Variants in TEX19 observed in about 807,000 individuals in gnomAD.
TEX19 encodes testis-expressed protein 19.
For synonymous variants in TEX19, 77 were observed against 73.9 expected, an observed-to-expected ratio of 1.04 and a Z score of -0.21; for missense variants, 184 against 194.4, an observed-to-expected ratio of 0.95 and a Z score of 0.32.
At position 82,362,186 on chromosome 17, in the gene TEX19, G is replaced by A. The variant is rs1457553873; in HGVS notation, c.36G>A (p.Glu12=). 6.2e-7 allele frequency: 1 copy of A among 1,612,864 alleles called. No individual in the cohort carries two copies. Among genetic ancestry groups the A allele is most frequent in the Admixed American group, 1.7e-5 (1 of 60,004 alleles). ...CPPVSMRYEE[E]GMSYLYASWM... is the part of the protein sequence containing the mutation. The stretch of plus-strand genomic sequence containing the variant: ...CGGTCAGCATGCGGTATGAGGAAGA[G>A]GGCATGTCCTACCTCTACGCCTCCT... The change falls in exon 2 of 2, where the codon GAG becomes GAA. Residue 12 remains glutamate (E), a synonymous_variant. Transcript: ENST00000333437. The surrounding 1 kb of genome is among the most constrained non-coding windows in gnomAD (Gnocchi z 5.5).
chr17:82,360,614 G>T (rs868554232), intron 1 of TEX19, among the ~76,000 whole-genome samples: 163 of 116,308 alleles, frequency 1.4e-3, no homozygotes, highest in Non-Finnish European at 2.2e-3. Context: ...GTTTCCCTCA[G>T]GTTCCCTCAG....
intron 1 of TEX19, among the ~76,000 whole-genome samples, chr17:82,361,405 C>T (rs185682377): frequency 0.14 from 14,422 of 99,640 alleles, 838 homozygotes; most frequent in South Asian, 0.24. Flanking sequence ...GCCAGTTTCC[C>T]TCAGGTTCCC....
Position 82,359,927 on chromosome 17 carries a change from T to G in TEX19, c.-272+642T>G, listed in dbSNP as rs1402820766. On this transcript the variant is annotated intron_variant, in intron 1 of 1. Coordinates refer to ENST00000333437, the MANE Select transcript of TEX19 (RefSeq NM_207459.4). ...CTCAGGTTCCCCCAGTTTCCCTCAG[T>G]TTCCCTCAAGTTTCCCTCAGGTTCC... 6.4e-3 allele frequency among the ~76,000 whole-genome samples: 617 copies of G among 96,316 alleles called. 9 individuals carry two copies. The highest frequency in any genetic ancestry group is 0.024 in the African/African-American group (540 of 22,794). 63.2% of individuals were successfully genotyped at this position (96,316 alleles called of 152,430 possible).
intron 1 of TEX19, among the ~76,000 whole-genome samples, chr17:82,360,995 C>T (rs1371820006): frequency 2.9e-5 from 1 of 34,526 alleles, no homozygotes; most frequent in African/African-American, 1.0e-4. Context: ...TCAGTTTTCC[C>T]CAGTTTCCCT....
At chr17:82,361,490 G>T (rs1454170632) in intron 1 of TEX19, 13 of 416,354 alleles carry the variant, frequency 3.1e-5, no homozygotes, top group Non-Finnish European at 3.6e-5. Context: ...TTTCTCTCAG[G>T]TTCCCCCAGT....
chr17:82,361,957 C>A lies in TEX19; in HGVS notation c.-194C>A. 1 of 811,708 alleles carries A rather than the reference C, an allele frequency of 1.2e-6. No homozygotes were observed. Among genetic ancestry groups the A allele is most frequent in the Non-Finnish European group, 1.9e-6 (1 of 536,150 alleles). 50.3% of individuals were successfully genotyped at this position (811,708 alleles called of 1,614,324 possible). A position where few individuals can be genotyped will look rare whatever the true frequency, so the allele number is the denominator to read the frequency against. ...AGCTTCCACCCTCTGCAGGTCCCCA[C>A]TGAGCTGGGACCCAGGTCATCCACC... On this transcript the variant is annotated 5_prime_UTR_variant, in exon 2 of 2. It adds an upstream start codon to the 5' untranslated region. Transcript: ENST00000333437.
At position 82,362,034 on chromosome 17, in the gene TEX19, C is replaced by G. The variant is rs1024360079; in HGVS notation, c.-117C>G. On this transcript the variant is annotated 5_prime_UTR_variant, in exon 2 of 2. Transcript: ENST00000333437. The surrounding 1 kb of genome is among the most constrained non-coding windows in gnomAD (Gnocchi z 5.5). ...CCCTTTCTCCTCCTGCTCCTTGTCC[C>G]CTTCATCCCTGCCGCCCAGCATCCT... is the stretch of plus-strand genomic sequence containing the variant. 6 of 1,365,066 alleles carry G rather than the reference C, an allele frequency of 4.4e-6. No homozygotes were observed. The highest frequency in any genetic ancestry group is 5.9e-6 in the Non-Finnish European group (6 of 1,009,972). 84.6% of individuals were successfully genotyped at this position (1,365,066 alleles called of 1,614,324 possible).
chr17:82,360,573 A>G (rs1284952990), intron 1 of TEX19, among the ~76,000 whole-genome samples: 9 of 82,450 alleles, frequency 1.1e-4, no homozygotes, highest in African/African-American at 4.5e-4. Flanking sequence ...AGTTTCCCTC[A>G]GGTTCCCCCA....
intron 1 of TEX19, among the ~76,000 whole-genome samples, chr17:82,359,525 T>C (rs867014765): frequency 1.7e-4 from 21 of 120,268 alleles, no homozygotes; most frequent in East Asian, 2.6e-4. Flanking sequence ...TCAGGTTCCC[T>C]CAGTTTCCCT....
At chr17:82,361,682 T>G in intron 1 of TEX19, 198 bp from the exon 2 acceptor site, 1 of 985,234 alleles carries the variant, frequency 1.0e-6, no homozygotes, top group Non-Finnish European at 1.2e-6. Context: ...GTCCCTGAGG[T>G]GTAGGGGGTG....
rs764111814 is a variant in TEX19, at chr17:82,361,923, A to G, written c.-228A>G. On this transcript the variant is annotated 5_prime_UTR_variant, in exon 2 of 2. Coordinates refer to ENST00000333437, the MANE Select transcript of TEX19 (RefSeq NM_207459.4). ...AACTGCAGAAGCTGAAGACATTTCCAGAAGTTCAAGCTTCCACCCTCTGCA... is the reference window on the plus strand; with the variant it reads ...AACTGCAGAAGCTGAAGACATTTCCGGAAGTTCAAGCTTCCACCCTCTGCA... 51 of 746,900 alleles carry G rather than the reference A, an allele frequency of 6.8e-5. No individual in the cohort carries two copies. Among genetic ancestry groups the G allele is most frequent in the South Asian group, 1.4e-4 (6 of 42,364 alleles). The allele number at this position is 746,900 out of a possible 1,614,324, so 46.3% of individuals were successfully genotyped here.
intron 1 of TEX19, among the ~76,000 whole-genome samples, chr17:82,361,047 A>G (rs577144598): frequency 4.4e-5 from 6 of 136,770 alleles, no homozygotes; most frequent in Admixed American, 7.4e-5. Flanking sequence ...AGTTTCCCCC[A>G]GTTTCCCTCA....
At position 82,362,431 on chromosome 17, in the gene TEX19, G is replaced by A. The variant is rs371566517; in HGVS notation, c.281G>A (p.Gly94Asp). 10 of 1,612,726 alleles carry A rather than the reference G, an allele frequency of 6.2e-6. No individual in the cohort carries two copies. Among genetic ancestry groups the A allele is most frequent in the African/African-American group, 5.3e-5 (4 of 74,930 alleles). The change falls in exon 2 of 2, where the codon GGC (glycine) becomes GAC (aspartate). Residue 94 changes from glycine (G) to aspartate (D), a missense_variant. Physicochemically the swap from Gly to Asp is moderately conservative, Grantham distance 94 (BLOSUM62 -1). Transcript: ENST00000333437. The surrounding 1 kb of genome is among the most constrained non-coding windows in gnomAD (Gnocchi z 5.5). ...AGCCCAGGACAGCCTGTGCAGGGGG[G>A]CTCTGAGGCATGGGGGCCAGGGACC... is the stretch of plus-strand genomic sequence containing the variant. Reference protein sequence around the residue: ...GQSPGQPVQGGSEAWGPGTLA... With the variant: ...GQSPGQPVQGDSEAWGPGTLA...
chr17:82,362,581 G>C lies in TEX19; in HGVS notation c.431G>C (p.Gly144Ala), dbSNP rs1276472282. Residue 144 changes from glycine (G) to alanine (A), a missense_variant, in exon 2 of 2, where the codon GGT becomes GCT. Physicochemically the swap from Gly to Ala is moderately conservative, Grantham distance 60 (BLOSUM62 0). Transcript: ENST00000333437. The surrounding 1 kb of genome is among the most constrained non-coding windows in gnomAD (Gnocchi z 5.5). ...CTTGAGGATGCTGACTGGACCCAGG[G>C]TCTTCCCTGGAGATTTGAGGAGCTT... The part of the protein sequence containing the change: ...LGLEDADWTQ[G>A]LPWRFEELLT... The C allele has an allele frequency of 1.2e-6, 2 of 1,600,642 alleles. No individual in the cohort carries two copies. The highest frequency in any genetic ancestry group is 1.7e-6 in the Non-Finnish European group (2 of 1,175,832).
chr17:82,361,839 C>T lies in TEX19; in HGVS notation c.-271-41C>T, dbSNP rs536308104. 2.5e-3 allele frequency: 2,609 copies of T among 1,027,012 alleles called. 20 individuals carry two copies. The highest frequency in any genetic ancestry group is 3.7e-3 in the Admixed American group (83 of 22,488). 63.6% of individuals were successfully genotyped at this position (1,027,012 alleles called of 1,614,324 possible). ...GTCCCCACAGTTTGCCCCCACCCTG[C>T]CTGCTGGGGGTGCCTAACCTCCCTT... On this transcript the variant is annotated intron_variant, in intron 1 of 1. Coordinates refer to ENST00000333437, the MANE Select transcript of TEX19 (RefSeq NM_207459.4).
Position 82,362,364 on chromosome 17 carries a change from G to A in TEX19, c.214G>A (p.Glu72Lys), listed in dbSNP as rs763172270. ...GATGGAGCACACTGAGGCAGAGTCAGAGCAGGAGGGGTCCTCAGGGATGGA... is the reference window on the plus strand; with the variant it reads ...GATGGAGCACACTGAGGCAGAGTCAAAGCAGGAGGGGTCCTCAGGGATGGA... Reference protein sequence around the residue: ...ELMEHTEAESEQEGSSGMELS... With the variant: ...ELMEHTEAESKQEGSSGMELS... The change falls in exon 2 of 2, where the codon GAG becomes AAG. Residue 72 changes from glutamate (E) to lysine (K), a missense_variant. Transcript: ENST00000333437. The surrounding 1 kb of genome is among the most constrained non-coding windows in gnomAD (Gnocchi z 5.5). The A allele has an allele frequency of 4.2e-5, 67 of 1,613,502 alleles. No individual in the cohort carries two copies. The highest frequency in any genetic ancestry group is 5.3e-5 in the Non-Finnish European group (63 of 1,180,028).
chr17:82,361,748 C>G, intron 1 of TEX19, 132 bp from the exon 2 acceptor site: 1 of 1,028,768 alleles, frequency 9.7e-7, no homozygotes, highest in Non-Finnish European at 1.2e-6. Flanking sequence ...AGCCCCGGTG[C>G]TGTTCAAACT....
In TEX19 at chr17:82,359,300, G is replaced by A. The variant is rs1283404103; in HGVS notation, c.-272+15G>A. 6.6e-6 allele frequency: 1 copy of A among 152,278 alleles called. No individual in the cohort carries two copies. Among genetic ancestry groups the A allele is most frequent in the African/African-American group, 2.4e-5 (1 of 41,446 alleles). The allele number at this position is 152,278 out of a possible 1,614,324, so 9.4% of individuals were successfully genotyped here. ...ACACCAGGATGGTGAGATCTCCCGA[G>A]GAGGGGTCTCTGAGGAGGGGTCTCG... is the stretch of plus-strand genomic sequence containing the variant. On this transcript the variant is annotated intron_variant, in intron 1 of 1. Coordinates refer to ENST00000333437, the MANE Select transcript of TEX19 (RefSeq NM_207459.4).
At chr17:82,360,919 G>T (rs1395898287) in intron 1 of TEX19, among the ~76,000 whole-genome samples, 2 of 79,228 alleles carry the variant, frequency 2.5e-5, no homozygotes, top group African/African-American at 5.3e-5. Context: ...TTTCCCTCAG[G>T]TTCCCCCAGT....
Sources: gnomAD v4.1 joint callset for allele counts (sites outside exome capture counted in the v4.1 genomes callset) on GRCh38, gnomAD v4.1.1 for gene constraint, Gnocchi (gnomAD v3.1) non-coding constraint, MANE v1.5 for transcripts, NCBI Gene and HGNC (gene_info 2026-07-23, HGNC 2026-07-21) for gene names.